MMP16: variants seen among roughly 807,000 people sequenced by gnomAD.
The protein encoded by MMP16 is matrix metalloproteinase-16.
MMP16 carries 12 observed loss-of-function variants against 67.8 expected under a neutral mutation model. The observed-to-expected ratio is 0.18, with a 90% confidence interval of 0.11 to 0.29. The LOEUF is 0.29. Among genes scored for constraint, MMP16 ranks in the 10% least tolerant of loss-of-function variants. The pLI is 1.00. For synonymous variants in MMP16, 249 were observed against 255.9 expected (o/e 0.97, Z 0.26); for missense variants, 475 against 765.7 (o/e 0.62, Z 4.48).
At chr8:88,188,863 C>T (rs1809121575) in intron 2 of MMP16, among the ~76,000 whole-genome samples, 1 of 152,092 alleles carries the variant, frequency 6.6e-6, no homozygotes, top group Admixed American at 6.5e-5. Context: ...TCGTGTTGGT[C>T]AGGCTGGTCT....
intron 1 of MMP16, among the ~76,000 whole-genome samples, chr8:88,323,776 C>G (rs1397993196): frequency 1.3e-5 from 2 of 150,690 alleles, no homozygotes; most frequent in East Asian, 3.9e-4. Context: ...CAAAAATGCT[C>G]ACAGCATACC....
intron 1 of MMP16, among the ~76,000 whole-genome samples, chr8:88,214,586 A>G (rs899152151): frequency 6.6e-6 from 1 of 152,180 alleles, no homozygotes; most frequent in Non-Finnish European, 1.5e-5. Flanking sequence ...GAATGACTAA[A>G]TCAATGTAAT....
At chr8:88,053,381 G>A (rs1218200799) in intron 8 of MMP16, among the ~76,000 whole-genome samples, 2 of 152,242 alleles carry the variant, frequency 1.3e-5, no homozygotes, top group African/African-American at 4.8e-5. Context: ...CCACCTTACC[G>A]CAGTACTCAT....
intron 2 of MMP16, 148 bp downstream of exon 2, chr8:88,197,010 G>T: frequency 2.9e-6 from 2 of 684,540 alleles, no homozygotes; most frequent in Non-Finnish European, 4.6e-6. Context: ...TATTGGAGGA[G>T]TGGGGTTAAA....
intron 4 of MMP16, among the ~76,000 whole-genome samples, chr8:88,148,777 C>A (rs191177683): frequency 6.9e-6 from 1 of 145,158 alleles, no homozygotes; most frequent in African/African-American, 2.4e-5. Flanking sequence ...CAAAAGTAAC[C>A]ATTCCAAGAG....
At chr8:88,294,599 T>C (rs868651045) in intron 1 of MMP16, among the ~76,000 whole-genome samples, 1 of 151,984 alleles carries the variant, frequency 6.6e-6, no homozygotes, top group African/African-American at 2.4e-5. Context: ...CACACATACA[T>C]AGATGTGCAT....
intron 1 of MMP16, among the ~76,000 whole-genome samples, chr8:88,276,067 G>C (rs28904579): frequency 0.018 from 2,723 of 152,066 alleles, 81 homozygotes; most frequent in African/African-American, 0.062. Flanking sequence ...TTTAAGACTA[G>C]TATAACTCAA....
At chr8:88,057,856 A>G (rs1448283023) in intron 7 of MMP16, among the ~76,000 whole-genome samples, 1 of 152,176 alleles carries the variant, frequency 6.6e-6, no homozygotes, top group Admixed American at 6.6e-5. Flanking sequence ...ACAGAGGATA[A>G]GAAACCTGAT....
intron 6 of MMP16, among the ~76,000 whole-genome samples, chr8:88,110,670 A>G (rs1230569331): frequency 6.6e-6 from 1 of 151,646 alleles, no homozygotes; most frequent in African/African-American, 2.4e-5. Context: ...TCTGCCAACA[A>G]AATAGTTTTT....
At chr8:88,289,514 T>C (rs970817281) in intron 1 of MMP16, among the ~76,000 whole-genome samples, 2 of 151,696 alleles carry the variant, frequency 1.3e-5, no homozygotes, top group African/African-American at 4.9e-5. Flanking sequence ...AAAATATTTG[T>C]ACATCTACAC....
At chr8:88,316,304 G>C (rs190607568) in intron 1 of MMP16, among the ~76,000 whole-genome samples, 315 of 152,192 alleles carry the variant, frequency 2.1e-3, no homozygotes, top group Admixed American at 3.2e-3. Context: ...GGAAGAAGAG[G>C]CCATCTAGGA....
At chr8:88,075,460 C>G (rs1320275981) in intron 6 of MMP16, among the ~76,000 whole-genome samples, 1 of 151,964 alleles carries the variant, frequency 6.6e-6, no homozygotes. Flanking sequence ...TAGCAGGTTT[C>G]TATAAAGTTG....
intron 1 of MMP16, among the ~76,000 whole-genome samples, chr8:88,252,908 T>C (rs1586227971): frequency 1.3e-5 from 2 of 152,154 alleles, no homozygotes; most frequent in East Asian, 1.9e-4. Flanking sequence ...GCCAAATAGA[T>C]TGGACAAAAA....
intron 1 of MMP16, among the ~76,000 whole-genome samples, chr8:88,313,993 G>GA (rs1811339739): frequency 6.6e-6 from 1 of 152,096 alleles, no homozygotes; most frequent in Non-Finnish European, 1.5e-5. Flanking sequence ...CATACCACGT[G>GA]AAAATTCAAG....
rs373805117 is a variant in MMP16, at chr8:88,264,766, G to C, written c.132+62309C>G. On this transcript the variant is annotated intron_variant, in intron 1 of 9. Transcript: ENST00000286614. ...GGCACTGACCAGTCATCATTACACA[G>C]TGGCAATGTGCTGTCCATGTGTGAT... Among the ~76,000 whole-genome samples, 57 of 152,326 alleles carry C rather than the reference G, an allele frequency of 3.7e-4. No individual in the cohort carries two copies. In the South Asian group the frequency reaches 0.012, roughly 31 times the overall value.
chr8:88,129,766 CTTAAT>C (rs1807995726), intron 4 of MMP16, among the ~76,000 whole-genome samples: 2 of 151,318 alleles, frequency 1.3e-5, no homozygotes, highest in Non-Finnish European at 3.0e-5. Flanking sequence ...ACCTTAGTAC[CTTAAT>C]ATAATGATGT....
At chr8:88,281,820 G>A (rs974244973) in intron 1 of MMP16, among the ~76,000 whole-genome samples, 10 of 152,000 alleles carry the variant, frequency 6.6e-5, no homozygotes, top group African/African-American at 1.7e-4. Flanking sequence ...TCTTTGCCTC[G>A]ACAATGTCTA....
At chr8:88,053,676 T>C (rs1225374376) in intron 8 of MMP16, among the ~76,000 whole-genome samples, 2 of 152,196 alleles carry the variant, frequency 1.3e-5, no homozygotes, top group Non-Finnish European at 2.9e-5. Flanking sequence ...GAGAGTTTAA[T>C]GTCTTTTCCG....
At chr8:88,071,932 C>T (rs1808563765) in intron 7 of MMP16, among the ~76,000 whole-genome samples, 1 of 151,828 alleles carries the variant, frequency 6.6e-6, no homozygotes, top group Non-Finnish European at 1.5e-5. Flanking sequence ...CTGTCAAAGC[C>T]CAGTTTAAGA....
Sources: gnomAD v4.1 joint callset for allele counts (sites outside exome capture counted in the v4.1 genomes callset) on GRCh38, gnomAD v4.1.1 for gene constraint, MANE v1.5 for transcripts, NCBI Gene and HGNC (gene_info 2026-07-23, HGNC 2026-07-21) for gene names.